The following PTN variants were observed in gnomAD, a reference collection of about 807,000 sequenced individuals.
PTN encodes the protein heparin affin regulatory protein.
In PTN, 18 loss-of-function variants were observed where a neutral mutation model predicts 24.1. The ratio of observed to expected loss-of-function variants is 0.75; its 90% confidence interval spans 0.52 to 1.11. The LOEUF (loss-of-function observed/expected upper bound fraction) is 1.11, where lower values mean the gene tolerates loss of function less well. Ranked by LOEUF, PTN falls within the 50% of genes least tolerant of loss-of-function variation. PTN has a pLI of 0.00. For synonymous variants in PTN, 78 were observed against 68.6 expected, an observed-to-expected ratio of 1.14 and a Z score of -0.67; for missense variants, 163 against 198.8, an observed-to-expected ratio of 0.82 and a Z score of 1.08.
chr7:137,239,501 TA>T (rs1403181061), intron 4 of PTN, among the ~76,000 whole-genome samples: 2 of 152,054 alleles, frequency 1.3e-5, no homozygotes, highest in African/African-American at 4.8e-5. Context: ...CTGCACCCAC[TA>T]ACTCGTCATC....
intron 1 of PTN, among the ~76,000 whole-genome samples, chr7:137,260,306 A>G (rs1809010959): frequency 6.6e-6 from 1 of 152,186 alleles, no homozygotes; most frequent in Non-Finnish European, 1.5e-5. Context: ...ATTGTAAAAC[A>G]AAACACAAGT....
At chr7:137,340,096 T>C (rs1810510667) in intron 1 of PTN, among the ~76,000 whole-genome samples, 1 of 152,114 alleles carries the variant, frequency 6.6e-6, no homozygotes, top group Non-Finnish European at 1.5e-5. Context: ...CAACCCACTC[T>C]GAAAAAATGG....
At chr7:137,230,195 T>TG (rs1808404109) in intron 4 of PTN, among the ~76,000 whole-genome samples, 2 of 151,914 alleles carry the variant, frequency 1.3e-5, no homozygotes, top group African/African-American at 4.8e-5. Context: ...GGACACTATT[T>TG]GATCTGTTAA....
chr7:137,265,133 G>T (rs955066934), intron 1 of PTN, among the ~76,000 whole-genome samples: 2 of 152,094 alleles, frequency 1.3e-5, no homozygotes, highest in Non-Finnish European at 2.9e-5. Context: ...TTTATTAACT[G>T]TCACCTACTA....
At chr7:137,258,392 C>T (rs1189522866) in intron 1 of PTN, among the ~76,000 whole-genome samples, 2 of 152,104 alleles carry the variant, frequency 1.3e-5, no homozygotes, top group Non-Finnish European at 2.9e-5. Context: ...AATAAATGCA[C>T]ACAAGTCCAT....
At chr7:137,313,050 G>A (rs988005750) in intron 1 of PTN, among the ~76,000 whole-genome samples, 21 of 142,158 alleles carry the variant, frequency 1.5e-4, no homozygotes, top group African/African-American at 5.2e-4. Flanking sequence ...CCTAGATAAA[G>A]TAGATTCCTT....
At chr7:137,240,505 G>A (rs751505549) in intron 4 of PTN, among the ~76,000 whole-genome samples, 14 of 152,114 alleles carry the variant, frequency 9.2e-5, no homozygotes, top group Non-Finnish European at 1.6e-4. Flanking sequence ...GCACTTGCTC[G>A]CTAAAATATT....
intron 1 of PTN, among the ~76,000 whole-genome samples, chr7:137,305,597 T>C (rs1809874687): frequency 6.6e-6 from 1 of 152,128 alleles, no homozygotes; most frequent in Admixed American, 6.6e-5. Context: ...AATAACTATT[T>C]GCATTCTTCC....
At chr7:137,289,278 C>T (rs17169047) in intron 1 of PTN, among the ~76,000 whole-genome samples, 19,669 of 152,224 alleles carry the variant, frequency 0.13, 1,605 homozygotes, top group South Asian at 0.2. Context: ...AGCACTTTAT[C>T]TTTCAAATGA....
chr7:137,308,032 T>A (rs1809917828), intron 1 of PTN, among the ~76,000 whole-genome samples: 1 of 152,142 alleles, frequency 6.6e-6, no homozygotes, highest in Non-Finnish European at 1.5e-5. Flanking sequence ...CCTCTTTTAT[T>A]CAAAGGGAAG....
At chr7:137,243,928 G>A (rs56378119) in intron 4 of PTN, among the ~76,000 whole-genome samples, 2,363 of 152,222 alleles carry the variant, frequency 0.016, 33 homozygotes, top group African/African-American at 0.04. Context: ...CATTATTCCT[G>A]GTCTTGCGGC....
intron 1 of PTN, among the ~76,000 whole-genome samples, chr7:137,327,390 T>C (rs1810280827): frequency 1.3e-5 from 2 of 152,130 alleles, no homozygotes; most frequent in Admixed American, 6.6e-5. Context: ...ACTCACTCTC[T>C]GCACAAATCA....
chr7:137,232,935 G>A (rs1279288556), intron 4 of PTN, among the ~76,000 whole-genome samples: 4 of 151,908 alleles, frequency 2.6e-5, no homozygotes, highest in African/African-American at 9.7e-5. Context: ...ATGATTGTAT[G>A]TTTCCTGAGG....
chr7:137,257,223 A>G (rs1420517361), intron 1 of PTN, among the ~76,000 whole-genome samples: 1 of 152,238 alleles, frequency 6.6e-6, no homozygotes, highest in Non-Finnish European at 1.5e-5. Flanking sequence ...ACTTTCTACA[A>G]TATAAGATAA....
At chr7:137,239,143 C>G (rs1464708162) in intron 4 of PTN, among the ~76,000 whole-genome samples, 1 of 152,086 alleles carries the variant, frequency 6.6e-6, no homozygotes, top group Non-Finnish European at 1.5e-5. Context: ...CAATTAGGAC[C>G]AAAAATTCTT....
intron 1 of PTN, among the ~76,000 whole-genome samples, chr7:137,324,195 C>T (rs1810211804): frequency 6.6e-6 from 1 of 151,720 alleles, no homozygotes; most frequent in Admixed American, 6.6e-5. Flanking sequence ...GGCTCTCAAA[C>T]TTTAGTGTGT....
At chr7:137,328,457 G>A (rs1243367759) in intron 1 of PTN, among the ~76,000 whole-genome samples, 1 of 152,220 alleles carries the variant, frequency 6.6e-6, no homozygotes, top group African/African-American at 2.4e-5. Flanking sequence ...AAGCTTGACA[G>A]TGAATGCTTT....
intron 1 of PTN, among the ~76,000 whole-genome samples, chr7:137,339,546 AC>A (rs1444031552): frequency 4.4e-4 from 57 of 130,136 alleles, no homozygotes; most frequent in South Asian, 3.8e-3. Context: ...ATGTTGCCTG[AC>A]CCTTAGGCAG....
intron 1 of PTN, among the ~76,000 whole-genome samples, chr7:137,340,164 C>T (rs1269996047): frequency 6.6e-6 from 1 of 152,102 alleles, no homozygotes; most frequent in Non-Finnish European, 1.5e-5. Context: ...ATATCTCAAA[C>T]ATGAAGGAGT....
Sources: gnomAD v4.1 joint callset for allele counts (sites outside exome capture counted in the v4.1 genomes callset) on GRCh38, gnomAD v4.1.1 for gene constraint, MANE v1.5 for transcripts, NCBI Gene and HGNC (gene_info 2026-07-23, HGNC 2026-07-21) for gene names.